PDE1A: variants seen among roughly 807,000 people sequenced by gnomAD.
The protein encoded by PDE1A is phosphodiesterase 1A.
PDE1A carries 35 observed loss-of-function variants against 61.7 expected under a neutral mutation model. That is an observed-to-expected ratio of 0.57 (90% CI 0.43 to 0.75). PDE1A has a LOEUF of 0.75. Ranked by LOEUF, PDE1A falls within the 30% of genes least tolerant of loss-of-function variation. The pLI is 0.00. For missense variants in PDE1A, 597 were observed against 630.6 expected (o/e 0.95, Z 0.57); for synonymous variants, 232 against 213.2 (o/e 1.09, Z -0.77).
chr2:182,552,183 T>C, the PDE1A span, among the ~76,000 whole-genome samples: 3 of 152,248 alleles, frequency 2.0e-5, no homozygotes, highest in African/African-American at 7.2e-5. Flanking sequence ...ATATTGGGCC[T>C]GAGTATCACT....
chr2:182,572,763 G>C, the PDE1A span, among the ~76,000 whole-genome samples: 2 of 151,654 alleles, frequency 1.3e-5, no homozygotes, highest in African/African-American at 4.9e-5. Flanking sequence ...CCAGCTACTC[G>C]GGAGGTGAGG....
At chr2:182,168,121 A>G (rs182636155) in exon 14 of PDE1A, 5 of 1,418,790 alleles carry the variant, frequency 3.5e-6, no homozygotes, top group East Asian at 2.5e-5. Flanking sequence ...TTATTGAGCA[A>G]TCTGCAAAAA....
At chr2:182,610,687 T>A in the PDE1A span, among the ~76,000 whole-genome samples, 1 of 151,956 alleles carries the variant, frequency 6.6e-6, no homozygotes, top group South Asian at 2.1e-4. Context: ...GAATAAAAAG[T>A]ATGTCAGACA....
the PDE1A span, among the ~76,000 whole-genome samples, chr2:182,648,567 G>C: frequency 1.3e-5 from 2 of 149,108 alleles, no homozygotes; most frequent in Non-Finnish European, 3.0e-5. Flanking sequence ...GTGGTGCACT[G>C]GTGCATGCCT....
At chr2:182,200,156 T>A (rs1686495521) in intron 10 of PDE1A, among the ~76,000 whole-genome samples, 1 of 152,166 alleles carries the variant, frequency 6.6e-6, no homozygotes, top group African/African-American at 2.4e-5. Flanking sequence ...GACTGTGATA[T>A]AATAAAACAA....
intron 7 of PDE1A, among the ~76,000 whole-genome samples, chr2:182,222,142 C>T (rs1306406559): frequency 6.6e-6 from 1 of 151,910 alleles, no homozygotes; most frequent in Non-Finnish European, 1.5e-5. Flanking sequence ...TGGAAACAAC[C>T]AAGATTTGCT....
intron 2 of PDE1A, among the ~76,000 whole-genome samples, chr2:182,446,168 G>A (rs1685118333): frequency 6.6e-6 from 1 of 151,998 alleles, no homozygotes; most frequent in African/African-American, 2.4e-5. Context: ...AAAGCAAAGT[G>A]GTCAGCAATG....
the PDE1A span, among the ~76,000 whole-genome samples, chr2:182,690,775 A>G: frequency 2.0e-5 from 3 of 152,210 alleles, no homozygotes; most frequent in Non-Finnish European, 4.4e-5. Context: ...GTATATCTAG[A>G]AAAACCCATC....
chr2:182,206,206 CTTTTATT>C (rs1372918674), intron 7 of PDE1A, 141 bp from the exon 8 acceptor site: 2 of 526,550 alleles, frequency 3.8e-6, no homozygotes, highest in East Asian at 6.6e-5. Context: ...TACTTAGTTT[CTTTTATT>C]TTTTACTGTA....
chr2:182,180,427 C>T lies in PDE1A; in HGVS notation c.1516+5465G>A, dbSNP rs112250680. ...GTATATTGCCCTCACTCTCTTCTAG[C>T]TTGTAGGGTTTCTGCTGAGAGATCT... On this transcript the variant is annotated intron_variant, in intron 13 of 13. Coordinates refer to ENST00000351439, the Ensembl canonical transcript of PDE1A. 7.2e-3 allele frequency among the ~76,000 whole-genome samples: 1,103 copies of T among 152,254 alleles called. 11 individuals carry two copies. Among genetic ancestry groups the T allele is most frequent in the African/African-American group, 0.024 (1,009 of 41,542 alleles).
chr2:182,689,173 C>A, the PDE1A span, among the ~76,000 whole-genome samples: 1 of 152,288 alleles, frequency 6.6e-6, no homozygotes, highest in South Asian at 2.1e-4. Flanking sequence ...CTGCACCAAG[C>A]AGACTTAATA....
chr2:182,248,268 A>AAAG lies in PDE1A; in HGVS notation c.168-7977_168-7976insCTT, dbSNP rs759705449. On this transcript the variant is annotated intron_variant, in intron 2 of 13. Transcript: ENST00000351439. ...CAAGACTGTCAAAAAAAAAAAAAAA[A>AAAG]GAAAAAAGCAATTCTTAAAACGTGC... Among the ~76,000 whole-genome samples, 47 of 148,048 alleles carry AAAG rather than the reference A, an allele frequency of 3.2e-4. No individual in the cohort carries two copies. The South Asian group carries it at 3.6e-3, about 11-fold the overall frequency.
chr2:182,543,634 A>T, the PDE1A span, among the ~76,000 whole-genome samples: 3 of 152,154 alleles, frequency 2.0e-5, no homozygotes, highest in Admixed American at 6.5e-5. Context: ...AATCAAAGAC[A>T]TGTAATCTTT....
intron 4 of PDE1A, among the ~76,000 whole-genome samples, chr2:182,231,613 C>T (rs914428192): frequency 1.3e-5 from 2 of 151,966 alleles, no homozygotes; most frequent in African/African-American, 2.4e-5. Flanking sequence ...TATTTATGTC[C>T]TGTTTTAAGA....
At chr2:182,171,516 A>C (rs1415690442) in intron 13 of PDE1A, among the ~76,000 whole-genome samples, 1 of 151,922 alleles carries the variant, frequency 6.6e-6, no homozygotes, top group Non-Finnish European at 1.5e-5. Flanking sequence ...GAGACCTGGA[A>C]TCAAGAGGAA....
chr2:182,218,410 A>C (rs1485459760), intron 7 of PDE1A, among the ~76,000 whole-genome samples: 1 of 113,788 alleles, frequency 8.8e-6, no homozygotes, highest in African/African-American at 3.4e-5. Context: ...CCTAAAACTT[A>C]AAGTATAATA....
the PDE1A span, among the ~76,000 whole-genome samples, chr2:182,684,637 G>A: frequency 3.2e-4 from 49 of 152,122 alleles, no homozygotes; most frequent in South Asian, 3.5e-3. Flanking sequence ...TGCAACCTCC[G>A]TGTCCTGGAT....
chr2:182,607,279 G>C, the PDE1A span, among the ~76,000 whole-genome samples: 1 of 152,138 alleles, frequency 6.6e-6, no homozygotes, highest in Non-Finnish European at 1.5e-5. Context: ...TTTAAGATTG[G>C]GAGGGCCAAT....
At chr2:182,507,825 A>C (rs1199043287) in intron 2 of PDE1A, among the ~76,000 whole-genome samples, 2 of 152,166 alleles carry the variant, frequency 1.3e-5, no homozygotes, top group African/African-American at 4.8e-5. Flanking sequence ...AAGTACTGGA[A>C]ATTTTTCAAG....
Sources: gnomAD v4.1 joint callset for allele counts (sites outside exome capture counted in the v4.1 genomes callset) on GRCh38, gnomAD v4.1.1 for gene constraint, MANE v1.5 for transcripts, NCBI Gene and HGNC (gene_info 2026-07-23, HGNC 2026-07-21) for gene names.